The following TCF7L1 variants were observed in gnomAD, a reference collection of about 807,000 sequenced individuals.
The protein encoded by TCF7L1 is transcription factor 7 like 1.
In TCF7L1, 18 loss-of-function variants were observed where a neutral mutation model predicts 63.7. That is an observed-to-expected ratio of 0.28 (90% CI 0.20 to 0.42). TCF7L1 has a LOEUF of 0.42. TCF7L1 is among the 10% of genes least tolerant of loss of function. TCF7L1 has a pLI of 1.00. For synonymous variants in TCF7L1, 355 were observed against 340.9 expected (o/e 1.04, Z -0.46); for missense variants, 654 against 779.3 (o/e 0.84, Z 1.91).
rs1237512926 is a variant in TCF7L1, at chr2:85,134,983, A to T, written c.441+533A>T. 6.6e-6 allele frequency among the ~76,000 whole-genome samples: 1 copy of T among 152,098 alleles called. No individual in the cohort carries two copies. Among genetic ancestry groups the T allele is most frequent in the African/African-American group, 2.4e-5 (1 of 41,416 alleles). On this transcript the variant is annotated intron_variant, in intron 3 of 11. Coordinates refer to ENST00000282111, the MANE Select transcript of TCF7L1 (RefSeq NM_031283.3). This position sits in a 1 kb window ranked among gnomAD's most constrained non-coding sequence, Gnocchi z 5.0. ...AGCTTTTCTGCGGAGCTAGCTCCGA[A>T]TTTTAAACTCGCGTAGATGATTTCG... is the stretch of plus-strand genomic sequence containing the variant.
intron 3 of TCF7L1, among the ~76,000 whole-genome samples, chr2:85,154,062 TC>T (rs1348666868): frequency 6.6e-6 from 1 of 152,208 alleles, no homozygotes; most frequent in Non-Finnish European, 1.5e-5. Context: ...AGGCTGTACA[TC>T]CTTTAAAAAT....
intron 3 of TCF7L1, among the ~76,000 whole-genome samples, chr2:85,172,466 GC>G (rs1678568688): frequency 6.6e-6 from 1 of 152,118 alleles, no homozygotes; most frequent in Admixed American, 6.5e-5. Context: ...TCGCTCTGTC[GC>G]CCAGGCTGGA....
chr2:85,305,143 ACT>A, intron 7 of TCF7L1, 115 bp from the exon 8 acceptor site: 5 of 1,383,004 alleles, frequency 3.6e-6, no homozygotes, highest in Non-Finnish European at 5.1e-6. Flanking sequence ...TAGTCCTGAG[ACT>A]CTGCCCCACG....
At chr2:85,265,566 C>T (rs1294612592) in intron 3 of TCF7L1, among the ~76,000 whole-genome samples, 1 of 152,196 alleles carries the variant, frequency 6.6e-6, no homozygotes, top group Non-Finnish European at 1.5e-5. Context: ...ACTCGTGCAG[C>T]TGGCAGTCAC....
chr2:85,178,874 C>T (rs913121721), intron 3 of TCF7L1, among the ~76,000 whole-genome samples: 7 of 152,236 alleles, frequency 4.6e-5, no homozygotes, highest in African/African-American at 1.7e-4. Context: ...CAGCCAACCC[C>T]ACTGTGATTG....
At chr2:85,171,341 G>A (rs765825644) in intron 3 of TCF7L1, among the ~76,000 whole-genome samples, 2 of 152,214 alleles carry the variant, frequency 1.3e-5, no homozygotes, top group Non-Finnish European at 2.9e-5. Context: ...GAAGGATTAT[G>A]TCAGAATGAT....
chr2:85,278,969 G>A (rs1681348732), intron 3 of TCF7L1, among the ~76,000 whole-genome samples: 1 of 152,238 alleles, frequency 6.6e-6, no homozygotes, highest in African/African-American at 2.4e-5. Context: ...CCATTTCAAT[G>A]TGTTACATTC....
At chr2:85,225,810 C>T (rs988167636) in intron 3 of TCF7L1, among the ~76,000 whole-genome samples, 6 of 152,172 alleles carry the variant, frequency 3.9e-5, no homozygotes, top group African/African-American at 9.7e-5. Flanking sequence ...ACTTCCAATA[C>T]TGTGTTGATA....
At chr2:85,247,453 C>T (rs1680492393) in intron 3 of TCF7L1, among the ~76,000 whole-genome samples, 1 of 152,172 alleles carries the variant, frequency 6.6e-6, no homozygotes, top group Non-Finnish European at 1.5e-5. Flanking sequence ...CCAATGAGAC[C>T]TTTTGTTTTT....
chr2:85,238,193 A>T (rs935225670), intron 3 of TCF7L1, among the ~76,000 whole-genome samples: 1 of 152,176 alleles, frequency 6.6e-6, no homozygotes, highest in Non-Finnish European at 1.5e-5. Flanking sequence ...CCATAAGTGC[A>T]TGGGGAAGAA....
At chr2:85,252,825 T>G (rs72840022) in intron 3 of TCF7L1, among the ~76,000 whole-genome samples, 6,011 of 152,312 alleles carry the variant, frequency 0.039, 167 homozygotes, top group Non-Finnish European at 0.06. Flanking sequence ...CTCCCTTCTC[T>G]GAGCCCAGAA....
At chr2:85,280,255 T>G (rs547717988) in intron 3 of TCF7L1, among the ~76,000 whole-genome samples, 4 of 152,140 alleles carry the variant, frequency 2.6e-5, no homozygotes, top group Admixed American at 2.6e-4. Context: ...TTTAGTATTA[T>G]AGTTAGAGGC....
intron 3 of TCF7L1, among the ~76,000 whole-genome samples, chr2:85,217,832 A>G (rs1245226595): frequency 6.6e-6 from 1 of 152,198 alleles, no homozygotes; most frequent in African/African-American, 2.4e-5. Context: ...CCCAGTCAGC[A>G]TCTCATTTGA....
At chr2:85,190,263 C>T (rs1679014460) in intron 3 of TCF7L1, among the ~76,000 whole-genome samples, 1 of 152,140 alleles carries the variant, frequency 6.6e-6, no homozygotes, top group Non-Finnish European at 1.5e-5. Flanking sequence ...GATCACCTTA[C>T]TGAAAAGACT....
intron 3 of TCF7L1, among the ~76,000 whole-genome samples, chr2:85,171,904 A>G (rs972297194): frequency 6.6e-6 from 1 of 151,994 alleles, no homozygotes; most frequent in African/African-American, 2.4e-5. Context: ...TCCTATTGTG[A>G]TAACCATTCC....
intron 3 of TCF7L1, among the ~76,000 whole-genome samples, chr2:85,156,635 T>C (rs1220076831): frequency 1.3e-5 from 2 of 152,216 alleles, no homozygotes; most frequent in Admixed American, 1.3e-4. Context: ...GTCCTGTGTA[T>C]GTTTGTAGTC....
At chr2:85,194,038 T>C (rs1679095556) in intron 3 of TCF7L1, among the ~76,000 whole-genome samples, 1 of 148,980 alleles carries the variant, frequency 6.7e-6, no homozygotes, top group South Asian at 2.2e-4. Flanking sequence ...AGAGGGGCTA[T>C]GGGATGGAGA....
chr2:85,294,836 C>G (rs1012338339), intron 4 of TCF7L1, among the ~76,000 whole-genome samples: 2 of 152,008 alleles, frequency 1.3e-5, no homozygotes, highest in Non-Finnish European at 2.9e-5. Context: ...AGTTCGGGAC[C>G]AGCCTGGGCA....
chr2:85,302,305 C>G (rs1194701187), intron 4 of TCF7L1, among the ~76,000 whole-genome samples, 179 bp from the exon 5 acceptor site: 1 of 152,070 alleles, frequency 6.6e-6, no homozygotes, highest in East Asian at 1.9e-4. Flanking sequence ...TGGGTGTGAT[C>G]CCTTCTCAAG....
Sources: allele counts gnomAD v4.1 joint callset (sites outside exome capture counted in the v4.1 genomes callset), GRCh38; gene constraint gnomAD v4.1.1; non-coding constraint Gnocchi (gnomAD v3.1); transcripts MANE v1.5; gene names NCBI Gene and HGNC (gene_info 2026-07-23, HGNC 2026-07-21).